HS3ST4: variants seen among roughly 807,000 people sequenced by gnomAD.
The protein encoded by HS3ST4 is heparan sulfate glucosamine 3-O-sulfotransferase 4.
Under a neutral mutation model 29.2 loss-of-function variants are expected in HS3ST4, and 17 were observed. That is an observed-to-expected ratio of 0.58 (90% CI 0.40 to 0.87). HS3ST4 has a LOEUF of 0.87. HS3ST4 is among the 40% of genes least tolerant of loss of function. The pLI is 0.00. For synonymous variants in HS3ST4, 314 were observed against 285.7 expected, an observed-to-expected ratio of 1.10 and a Z score of -1.00; for missense variants, 627 against 634.5, an observed-to-expected ratio of 0.99 and a Z score of 0.13.
At chr16:26,027,705 T>G (rs1969489896) in intron 1 of HS3ST4, among the ~76,000 whole-genome samples, 2 of 152,214 alleles carry the variant, frequency 1.3e-5, no homozygotes, top group African/African-American at 4.8e-5. Flanking sequence ...ATAAATATGC[T>G]AGGACCATAA....
chr16:25,739,515 A>G (rs1966637527), intron 1 of HS3ST4, among the ~76,000 whole-genome samples: 1 of 152,194 alleles, frequency 6.6e-6, no homozygotes, highest in Admixed American at 6.5e-5. Flanking sequence ...AAAAACAAAC[A>G]AACAAACAAA....
At chr16:25,778,240 A>G (rs930201834) in intron 1 of HS3ST4, among the ~76,000 whole-genome samples, 6 of 152,186 alleles carry the variant, frequency 3.9e-5, no homozygotes, top group African/African-American at 9.7e-5. Context: ...GGCCTCACCT[A>G]TCTCCAGGGA....
At chr16:26,033,466 GA>G (rs1969551229) in intron 1 of HS3ST4, among the ~76,000 whole-genome samples, 1 of 146,886 alleles carries the variant, frequency 6.8e-6, no homozygotes, top group African/African-American at 2.5e-5. Flanking sequence ...AGTGAGCTGA[GA>G]TCACACCACT....
chr16:26,125,422 T>TA (rs1806925604), intron 1 of HS3ST4, among the ~76,000 whole-genome samples: 1 of 152,240 alleles, frequency 6.6e-6, no homozygotes, highest in African/African-American at 2.4e-5. Context: ...TATGAGAATC[T>TA]AATGATGCTG....
At chr16:25,944,810 T>G (rs1968609341) in intron 1 of HS3ST4, among the ~76,000 whole-genome samples, 1 of 152,060 alleles carries the variant, frequency 6.6e-6, no homozygotes, top group Non-Finnish European at 1.5e-5. Flanking sequence ...CAATGACCAG[T>G]CATCAATAAA....
intron 1 of HS3ST4, among the ~76,000 whole-genome samples, chr16:25,904,071 AATAG>A (rs562785016): frequency 3.3e-3 from 505 of 152,038 alleles, no homozygotes; most frequent in African/African-American, 0.011. Flanking sequence ...TGACTGGATG[AATAG>A]ATGGATGGAT....
intron 1 of HS3ST4, among the ~76,000 whole-genome samples, chr16:25,790,080 C>T (rs1966865452): frequency 6.6e-6 from 1 of 152,158 alleles, no homozygotes; most frequent in Non-Finnish European, 1.5e-5. Flanking sequence ...AGTATATTCA[C>T]ATAGTGGAAT....
intron 1 of HS3ST4, among the ~76,000 whole-genome samples, chr16:25,941,978 G>A (rs1388242433): frequency 1.3e-5 from 2 of 152,198 alleles, no homozygotes; most frequent in Admixed American, 6.5e-5. Context: ...ACGCATGATA[G>A]GGGCTCATTC....
chr16:26,025,197 G>A (rs368929989), intron 1 of HS3ST4: 1 of 154,232 alleles, frequency 6.5e-6, no homozygotes, highest in African/African-American at 2.4e-5. Flanking sequence ...CAAGAGGAAA[G>A]GACTGTAACA....
chr16:25,811,492 G>A (rs1967041822), intron 1 of HS3ST4, among the ~76,000 whole-genome samples: 1 of 127,010 alleles, frequency 7.9e-6, no homozygotes, highest in South Asian at 2.5e-4. Context: ...GGAGTGCAAT[G>A]TCACGATCTC....
At chr16:26,124,833 GAGA>G (rs1395292728) in intron 1 of HS3ST4, among the ~76,000 whole-genome samples, 43 of 152,344 alleles carry the variant, frequency 2.8e-4, no homozygotes, top group African/African-American at 1.0e-3. Flanking sequence ...TCATTTGAGA[GAGA>G]AGAAGCTACC....
intron 1 of HS3ST4, among the ~76,000 whole-genome samples, chr16:25,748,639 A>G (rs1398261178): frequency 6.6e-6 from 1 of 152,196 alleles, no homozygotes; most frequent in East Asian, 1.9e-4. Context: ...TTTTCTATGC[A>G]AAAAGGGTTT....
intron 1 of HS3ST4, among the ~76,000 whole-genome samples, chr16:26,096,651 C>A (rs987158599): frequency 2.0e-5 from 3 of 152,116 alleles, no homozygotes; most frequent in African/African-American, 4.8e-5. Flanking sequence ...ACAGAATGGG[C>A]AAAAACTAGA....
At chr16:25,701,992 C>G (rs959244193) in intron 1 of HS3ST4, among the ~76,000 whole-genome samples, 1 of 152,128 alleles carries the variant, frequency 6.6e-6, no homozygotes, top group Admixed American at 6.5e-5. Flanking sequence ...TCAGAACAAC[C>G]TGCTATTAAA....
intron 1 of HS3ST4, among the ~76,000 whole-genome samples, chr16:26,074,470 A>G (rs1898636914): frequency 6.6e-6 from 1 of 152,202 alleles, no homozygotes; most frequent in Non-Finnish European, 1.5e-5. Context: ...TGCCACTTCC[A>G]TCTATCCATC....
At chr16:25,748,720 T>C (rs1966700254) in intron 1 of HS3ST4, among the ~76,000 whole-genome samples, 1 of 152,242 alleles carries the variant, frequency 6.6e-6, no homozygotes, top group Non-Finnish European at 1.5e-5. Flanking sequence ...GGTTAACTGA[T>C]TGAACTTTTA....
At chr16:26,125,939 T>C (rs1423439350) in intron 1 of HS3ST4, among the ~76,000 whole-genome samples, 1 of 152,238 alleles carries the variant, frequency 6.6e-6, no homozygotes, top group Admixed American at 6.5e-5. Flanking sequence ...ATACTCAGTG[T>C]ATTTTGCTAG....
chr16:25,725,606 A>G (rs7196756), intron 1 of HS3ST4, among the ~76,000 whole-genome samples: 110,813 of 151,578 alleles, frequency 0.73, 41,476 homozygotes, highest in East Asian at 0.84. Flanking sequence ...ACTAATTTGC[A>G]TATAATGCAA....
At chr16:25,747,702 A>G (rs932928536) in intron 1 of HS3ST4, among the ~76,000 whole-genome samples, 4 of 152,206 alleles carry the variant, frequency 2.6e-5, no homozygotes, top group African/African-American at 9.7e-5. Flanking sequence ...CTTGTTTTCT[A>G]GCGATCACTA....
Sources: allele counts gnomAD v4.1 joint callset (sites outside exome capture counted in the v4.1 genomes callset), GRCh38; gene constraint gnomAD v4.1.1; transcripts MANE v1.5; gene names NCBI Gene and HGNC (gene_info 2026-07-23, HGNC 2026-07-21).